The following BHMT variants were observed in gnomAD, a reference collection of about 807,000 sequenced individuals.
BHMT encodes betaine--homocysteine S-methyltransferase 1.
Under a neutral mutation model 49.5 loss-of-function variants are expected in BHMT, and 38 were observed. The observed-to-expected ratio is 0.77, with a 90% confidence interval of 0.59 to 1.01. The LOEUF is 1.01. BHMT is among the 50% of genes least tolerant of loss of function. The probability of loss-of-function intolerance (pLI) is 0.00; values close to 1 mark genes in which losing one functional copy is unlikely to be tolerated. For synonymous variants in BHMT, 166 were observed against 176.3 expected (o/e 0.94, Z 0.46); for missense variants, 426 against 495.7 (o/e 0.86, Z 1.34).
In BHMT at chr5:79,127,918, T is replaced by A; in HGVS notation, c.972T>A (p.Ala324=). Residue 324 remains alanine, a synonymous_variant, in exon 7 of 8, where the codon GCT becomes GCA. Coordinates refer to ENST00000274353, the MANE Select transcript of BHMT (RefSeq NM_001713.3). ...CAGAAAGGGGCTTTTTGCCACCAGC[T>A]TCAGAAAAACATGGCAGCTGGGGAA... ...LAPERGFLPP[A]SEKHGSWGSG... 2 of 1,613,980 alleles carry A rather than the reference T, an allele frequency of 1.2e-6. No homozygotes were observed. The highest frequency in any genetic ancestry group is 1.7e-6 in the Non-Finnish European group (2 of 1,179,968).
intron 5 of BHMT, among the ~76,000 whole-genome samples, chr5:79,125,508 C>T (rs921617942): frequency 3.4e-5 from 5 of 146,700 alleles, no homozygotes; most frequent in African/African-American, 5.0e-5. Context: ...GCACAAATTA[C>T]ACTTCAATTA....
rs1756578059 is a variant in BHMT, at chr5:79,127,978, A to G, written c.1032A>G (p.Arg344=). The part of the protein sequence containing the change: ...GLDMHTKPWV[R]ARARKEYWEN... ...ACATGCACACCAAACCCTGGGTTAG[A>G]GCAAGGTAAGCATCTTTTTACTAAC... is the stretch of plus-strand genomic sequence containing the variant. Residue 344 remains arginine (R), a synonymous_variant, in exon 7 of 8, where the codon AGA becomes AGG. Coordinates refer to ENST00000274353, the MANE Select transcript of BHMT (RefSeq NM_001713.3). 1 of 1,610,866 alleles carries G rather than the reference A, an allele frequency of 6.2e-7. No homozygotes were observed. Among genetic ancestry groups the G allele is most frequent in the East Asian group, 2.2e-5 (1 of 44,864 alleles).
chr5:79,118,879 C>T (rs1756424708), intron 2 of BHMT, among the ~76,000 whole-genome samples: 1 of 152,202 alleles, frequency 6.6e-6, no homozygotes, highest in Non-Finnish European at 1.5e-5. Flanking sequence ...CCTGCATAGC[C>T]CAACCATGCA....
At chr5:79,121,067 C>G in intron 4 of BHMT, 151 bp from the exon 5 acceptor site, 1 of 908,914 alleles carries the variant, frequency 1.1e-6, no homozygotes, top group Non-Finnish European at 1.6e-6. Flanking sequence ...AGGAGAATTG[C>G]TTGAAACTGG....
In BHMT at chr5:79,120,370, T is replaced by C. The variant is rs1166817949; in HGVS notation, c.306T>C (p.Ala102=). The C allele has an allele frequency of 1.2e-6, 2 of 1,612,302 alleles. No homozygotes were observed. Among genetic ancestry groups the C allele is most frequent in the East Asian group, 2.2e-5 (1 of 44,856 alleles). ...TTTAGGGGCAGGAAGTCAATGAAGC[T>C]GCTTGCGACATCGCCCGACAAGTGG... ...EKISGQEVNE[A]ACDIARQVAD... is the part of the protein sequence containing the mutation. The change falls in exon 4 of 8, where the codon GCT becomes GCC. Residue 102 remains alanine (A), a synonymous_variant. Coordinates refer to ENST00000274353, the MANE Select transcript of BHMT (RefSeq NM_001713.3).
At chr5:79,130,037 G>A (rs1580276292) in intron 7 of BHMT, among the ~76,000 whole-genome samples, 2 of 152,198 alleles carry the variant, frequency 1.3e-5, no homozygotes, top group African/African-American at 4.8e-5. Flanking sequence ...GTACCTATGT[G>A]GTGGCATAGG....
rs147391267 is a variant in BHMT at position 79,119,262 on chromosome 5, G to T, written c.170G>T (p.Arg57Leu). Reference protein sequence around the residue: ...EAAVEHPEAVRQLHREFLRAG... With the variant: ...EAAVEHPEAVLQLHREFLRAG... The stretch of plus-strand genomic sequence containing the variant: ...CTTTCCTCATTCACTCTCCCAGTTC[G>T]CCAGCTTCATCGAGAGTTCCTCAGA... The change falls in exon 3 of 8, where the codon CGC (arginine) becomes CTC (leucine). Residue 57 changes from arginine (R) to leucine (L), a missense_variant. Physicochemically the swap from Arg to Leu is moderately radical, Grantham distance 102. Coordinates refer to ENST00000274353, the MANE Select transcript of BHMT (RefSeq NM_001713.3). 279 of 1,601,794 alleles carry T rather than the reference G, an allele frequency of 1.7e-4. No homozygotes were observed. Among genetic ancestry groups the T allele is most frequent in the Admixed American group, 2.8e-4 (16 of 56,576 alleles).
intron 3 of BHMT, 120 bp downstream of exon 3, chr5:79,119,497 A>C (rs1756435454): frequency 2.8e-6 from 2 of 720,182 alleles, no homozygotes; most frequent in Non-Finnish European, 4.4e-6. Flanking sequence ...TAATAATACA[A>C]AAATGAGAGG....
intron 1 of BHMT, 115 bp downstream of exon 1, chr5:79,112,033 A>C: frequency 3.4e-6 from 4 of 1,186,202 alleles, no homozygotes; most frequent in South Asian, 1.7e-5. Flanking sequence ...TCATCCTCCT[A>C]CTCCCTCCCC....
In BHMT at chr5:79,121,271, C is replaced by A. The variant is rs769369632; in HGVS notation, c.531C>A (p.Ser177=). Residue 177 remains serine, a synonymous_variant, in exon 5 of 8, where the codon TCC becomes TCA. Coordinates refer to ENST00000274353, the MANE Select transcript of BHMT (RefSeq NM_001713.3). ...AVWAVETLIA[S]GKPVAATMCI... ...GGGCAGTTGAAACCTTGATAGCATC[C>A]GGTAAACCTGTGGCAGCAACCATGT... 1 of 1,614,154 alleles carries A rather than the reference C, an allele frequency of 6.2e-7. No homozygotes were observed. Among genetic ancestry groups the A allele is most frequent in the Non-Finnish European group, 8.5e-7 (1 of 1,180,020 alleles).
intron 5 of BHMT, among the ~76,000 whole-genome samples, chr5:79,123,947 A>T (rs1756512041): frequency 6.6e-6 from 1 of 152,130 alleles, no homozygotes; most frequent in East Asian, 1.9e-4. Context: ...ATGAAATATC[A>T]TGCAGCTATA....
rs1394583222 is a variant in BHMT at position 79,132,272 on chromosome 5, G to C, written c.*1156G>C. 2 of 152,164 alleles carry C rather than the reference G, an allele frequency of 1.3e-5. No homozygotes were observed. Among genetic ancestry groups the C allele is most frequent in the South Asian group, 2.1e-4 (1 of 4,826 alleles). The allele number at this position is 152,164 out of a possible 1,614,324, so 9.4% of individuals were successfully genotyped here. A position where few individuals can be genotyped will look rare whatever the true frequency, so the allele number is the denominator to read the frequency against. On this transcript the variant is annotated 3_prime_UTR_variant, in exon 8 of 8. Coordinates refer to ENST00000274353, the MANE Select transcript of BHMT (RefSeq NM_001713.3). ...TGTAATTCTTTTCAGCTATTAAAAA[G>C]AAGAGCAATGAGACTATATTGCTTG...
At chr5:79,123,044 T>C (rs1251546340) in intron 5 of BHMT, among the ~76,000 whole-genome samples, 1 of 152,164 alleles carries the variant, frequency 6.6e-6, no homozygotes, top group Non-Finnish European at 1.5e-5. Flanking sequence ...AAACAGGACA[T>C]TTATTAAAAT....
intron 5 of BHMT, among the ~76,000 whole-genome samples, chr5:79,122,785 T>C (rs1756491362): frequency 6.6e-6 from 1 of 152,032 alleles, no homozygotes; most frequent in South Asian, 2.1e-4. Flanking sequence ...CACATACAAG[T>C]ATATTTACTT....
intron 1 of BHMT, 97 bp downstream of exon 1, chr5:79,112,015 G>C: frequency 7.5e-7 from 1 of 1,342,056 alleles, no homozygotes; most frequent in East Asian, 2.8e-5. Flanking sequence ...GACCCTGCCT[G>C]GTACCCATCA....
At chr5:79,126,274 T>G in intron 6 of BHMT, 46 bp downstream of exon 6, 1 of 1,593,918 alleles carries the variant, frequency 6.3e-7, no homozygotes, top group South Asian at 1.1e-5. Flanking sequence ...TCATTTGATA[T>G]GCATATAAAC....
rs1224307962 is a variant in BHMT at position 79,120,510 on chromosome 5, TGAA to T, written c.453_455del (p.Lys151del). The T allele has an allele frequency of 1.2e-6, 2 of 1,613,152 alleles. No individual in the cohort carries two copies. Among genetic ancestry groups the T allele is most frequent in the Non-Finnish European group, 8.5e-7 (1 of 1,179,796 alleles). ...TTTCTGCAACAGTTAGAGGTCTTTA[TGAA>T]GAAGAACGTGGACTTCTTGATTGCA... On this transcript the variant is annotated inframe_deletion, in exon 4 of 8. Transcript: ENST00000274353.
chr5:79,127,770 T>A lies in BHMT; in HGVS notation c.824T>A (p.Val275Asp). 1 of 1,613,922 alleles carries A rather than the reference T, an allele frequency of 6.2e-7. No homozygotes were observed. The highest frequency in any genetic ancestry group is 8.5e-7 in the Non-Finnish European group (1 of 1,179,890). Residue 275 changes from valine (V) to aspartate (D), a missense_variant, in exon 7 of 8, where the codon GTT becomes GAT. Around this residue, in one of 3 missense-constraint regions of BHMT, gnomAD observed 321 missense variants for 355.9 expected, o/e 0.90. Transcript: ENST00000274353. ...CTTATTACAGGACTGGAACCCAGAG[T>A]TGCCACCAGATGGGATATTCAAAAA... ...PEFPFGLEPR[V>D]ATRWDIQKYA...
In BHMT at chr5:79,121,328, G is replaced by A; in HGVS notation, c.588G>A (p.Val196=). ...CIGPEGDLHG[V]PPGECAVRLV... is the part of the protein sequence containing the mutation. ...GCCCAGAAGGAGATTTGCATGGCGT[G>A]CCCCCCGGCGAGTGTGCAGTGCGCC... The change falls in exon 5 of 8, where the codon GTG becomes GTA. Residue 196 remains valine (V), a synonymous_variant. Coordinates refer to ENST00000274353, the MANE Select transcript of BHMT (RefSeq NM_001713.3). 2.5e-6 allele frequency: 4 copies of A among 1,614,140 alleles called. No individual in the cohort carries two copies. Among genetic ancestry groups the A allele is most frequent in the Non-Finnish European group, 3.4e-6 (4 of 1,179,994 alleles).
Sources: gnomAD v4.1 joint callset for allele counts (sites outside exome capture counted in the v4.1 genomes callset) on GRCh38, gnomAD v4.1.1 for gene constraint, gnomAD v4.1.1 regional missense constraint, MANE v1.5 for transcripts, NCBI Gene and HGNC (gene_info 2026-07-23, HGNC 2026-07-21) for gene names.